SND1: variants seen among roughly 807,000 people sequenced by gnomAD.
SND1 encodes the protein staphylococcal nuclease and tudor domain containing 1.
SND1 carries 38 observed loss-of-function variants against 121.7 expected under a neutral mutation model. The ratio of observed to expected loss-of-function variants is 0.31; its 90% confidence interval spans 0.24 to 0.41. The LOEUF (loss-of-function observed/expected upper bound fraction) is 0.41, where lower values mean the gene tolerates loss of function less well. SND1 is among the 10% of genes least tolerant of loss of function. The pLI is 1.00. For synonymous variants in SND1, 401 were observed against 447.4 expected (o/e 0.90, Z 1.31); for missense variants, 868 against 1,184.6 (o/e 0.73, Z 3.92).
chr7:127,875,654 T>A (rs1453229527), intron 12 of SND1, among the ~76,000 whole-genome samples: 1 of 152,150 alleles, frequency 6.6e-6, no homozygotes, highest in Non-Finnish European at 1.5e-5. Context: ...GCTGCAATGT[T>A]TTTCTCTTTT....
chr7:127,827,395 C>G (rs1798661399), intron 11 of SND1, among the ~76,000 whole-genome samples: 1 of 151,982 alleles, frequency 6.6e-6, no homozygotes, highest in Non-Finnish European at 1.5e-5. Context: ...GTTTTATAAC[C>G]TAGCCTAATT....
intron 16 of SND1, among the ~76,000 whole-genome samples, chr7:128,035,347 A>G (rs902229540): frequency 6.6e-6 from 1 of 152,248 alleles, no homozygotes; most frequent in African/African-American, 2.4e-5. Flanking sequence ...GAAATGGGCC[A>G]CAAAGTTAAG....
At chr7:127,795,200 A>G (rs951005365) in intron 10 of SND1, among the ~76,000 whole-genome samples, 14 of 152,174 alleles carry the variant, frequency 9.2e-5, no homozygotes, top group African/African-American at 3.4e-4. Context: ...TCTCAGCTCT[A>G]CTTGCTCATT....
chr7:127,652,886 A>G (rs1314531932), intron 1 of SND1, among the ~76,000 whole-genome samples: 1 of 152,178 alleles, frequency 6.6e-6, no homozygotes, highest in East Asian at 1.9e-4. Flanking sequence ...CTGTTCCCAC[A>G]AACGCTGTTA....
intron 10 of SND1, among the ~76,000 whole-genome samples, chr7:127,750,786 G>A (rs1453723641): frequency 3.9e-5 from 6 of 152,248 alleles, no homozygotes; most frequent in Middle Eastern, 3.4e-3. Context: ...CACCAACTAG[G>A]ATAAGGGCTT....
intron 1 of SND1, among the ~76,000 whole-genome samples, chr7:127,658,937 A>G (rs1189258120): frequency 2.0e-5 from 3 of 152,260 alleles, no homozygotes; most frequent in Non-Finnish European, 2.9e-5. Context: ...CTAGCTATCC[A>G]TCTGACAGGT....
chr7:127,748,808 C>T (rs1797025877), intron 10 of SND1, among the ~76,000 whole-genome samples: 1 of 152,066 alleles, frequency 6.6e-6, no homozygotes, highest in Non-Finnish European at 1.5e-5. Flanking sequence ...TGAAGGGTAG[C>T]TGAATGGAAG....
intron 16 of SND1, among the ~76,000 whole-genome samples, chr7:128,020,525 G>T (rs1412120590): frequency 6.6e-6 from 1 of 152,166 alleles, no homozygotes; most frequent in African/African-American, 2.4e-5. Context: ...AAATGTGAGG[G>T]TTCAACTAGA....
At chr7:127,941,257 T>G (rs1030960788) in intron 15 of SND1, among the ~76,000 whole-genome samples, 6 of 151,506 alleles carry the variant, frequency 4.0e-5, no homozygotes, top group Non-Finnish European at 8.8e-5. Context: ...ATGAAGTAAA[T>G]GAGATCTACA....
At chr7:127,820,884 A>C (rs1459772697) in intron 11 of SND1, among the ~76,000 whole-genome samples, 1 of 152,196 alleles carries the variant, frequency 6.6e-6, no homozygotes. Flanking sequence ...TAGCAAGGAA[A>C]AAGTGATTTG....
intron 12 of SND1, chr7:127,858,102 C>A (rs1584622706): frequency 1.2e-5 from 11 of 914,848 alleles, no homozygotes; most frequent in Non-Finnish European, 2.0e-5. Context: ...CCAGTTCCCC[C>A]TCTGCCACTT....
intron 10 of SND1, among the ~76,000 whole-genome samples, chr7:127,777,049 A>G (rs1011287095): frequency 6.6e-6 from 1 of 152,240 alleles, no homozygotes; most frequent in African/African-American, 2.4e-5. Flanking sequence ...CTTGGTTTTT[A>G]GTCACTTGGG....
At chr7:127,795,143 G>C (rs745898758) in intron 10 of SND1, among the ~76,000 whole-genome samples, 1 of 152,094 alleles carries the variant, frequency 6.6e-6, no homozygotes, top group African/African-American at 2.4e-5. Context: ...CTATTAGCTA[G>C]GTAGAAAGAT....
intron 1 of SND1, among the ~76,000 whole-genome samples, chr7:127,680,069 C>G (rs375475300): frequency 6.6e-6 from 1 of 152,256 alleles, no homozygotes. Context: ...AGCTGGGCAT[C>G]CGGGGGAGAC....
Position 128,029,221 on chromosome 7 carries a change from T to A in SND1, c.1779+38165T>A. 1 of 1,614,104 alleles carries A rather than the reference T, an allele frequency of 6.2e-7. No individual in the cohort carries two copies. On this transcript the variant is annotated intron_variant, in intron 16 of 23. Coordinates refer to ENST00000354725, the MANE Select transcript of SND1 (RefSeq NM_014390.4). The surrounding 1 kb of genome is among the most constrained non-coding windows in gnomAD (Gnocchi z 4.2). ...CCAGTGGACGTGGTAGGAACAGGCT[T>A]GTACTTTCGCGTTGTGTCCTCAGGC...
intron 15 of SND1, among the ~76,000 whole-genome samples, chr7:127,975,387 G>A (rs1802092792): frequency 1.3e-5 from 1 of 76,868 alleles, no homozygotes. Context: ...CTCCCCTCGT[G>A]TGTGTGTGTG....
chr7:128,024,601 ACT>A (rs1256684125), intron 16 of SND1, among the ~76,000 whole-genome samples: 2 of 151,896 alleles, frequency 1.3e-5, no homozygotes, highest in Admixed American at 6.6e-5. Flanking sequence ...TCTTGCAGGG[ACT>A]CTCTGCTGGT....
chr7:128,000,368 CTTTT>C (rs34812649), intron 16 of SND1, among the ~76,000 whole-genome samples: 3 of 135,188 alleles, frequency 2.2e-5, no homozygotes, highest in Admixed American at 7.5e-5. Flanking sequence ...GCTTTTGCTT[CTTTT>C]TTTTTTTTTT....
At chr7:127,801,513 C>T (rs775599293) in intron 10 of SND1, among the ~76,000 whole-genome samples, 1 of 152,282 alleles carries the variant, frequency 6.6e-6, no homozygotes, top group East Asian at 1.9e-4. Flanking sequence ...ATCCACCCAC[C>T]TACTGGAATC....
Sources: allele counts gnomAD v4.1 joint callset (sites outside exome capture counted in the v4.1 genomes callset), GRCh38; gene constraint gnomAD v4.1.1; non-coding constraint Gnocchi (gnomAD v3.1); transcripts MANE v1.5; gene names NCBI Gene and HGNC (gene_info 2026-07-23, HGNC 2026-07-21).